The following ABCA4 variants were observed in gnomAD, a reference collection of about 807,000 sequenced individuals.
ABCA4 encodes the protein ATP binding cassette subfamily A member 4.
Under a neutral mutation model 263.7 loss-of-function variants are expected in ABCA4, and 196 were observed. The observed-to-expected ratio is 0.74, with a 90% CI of 0.66 to 0.84. The LOEUF (loss-of-function observed/expected upper bound fraction) is 0.84. Ranked by LOEUF, ABCA4 falls within the 40% of genes least tolerant of loss-of-function variation. The pLI is 0.00. For synonymous variants in ABCA4, 1,133 were observed against 1,094.2 expected, an observed-to-expected ratio of 1.04 and a Z score of -0.70; for missense variants, 2,792 against 2,855.1, an observed-to-expected ratio of 0.98 and a Z score of 0.50.
intron 11 of ABCA4, among the ~76,000 whole-genome samples, chr1:94,077,480 T>C (rs1661566328): frequency 6.6e-6 from 1 of 152,142 alleles, no homozygotes; most frequent in African/African-American, 2.4e-5. Flanking sequence ...GTAGGAGATG[T>C]GAAGAGGAAA....
Position 94,031,772 on chromosome 1 carries a change from T to C in ABCA4, c.4128+6A>G. The C allele has an allele frequency of 1.9e-6, 3 of 1,613,280 alleles. No homozygotes were observed. Among genetic ancestry groups the C allele is most frequent in the Middle Eastern group, 1.8e-4 (1 of 5,420 alleles). On this transcript the variant is annotated splice_donor_region_variant and intron_variant, in intron 27 of 49. Coordinates refer to ENST00000370225, the MANE Select transcript of ABCA4 (RefSeq NM_000350.3). ...AGCTCAGCTAAACACCGACCGACAA[T>C]AGTACCTGCGCCAGGAAGTCCTTGT...
chr1:94,018,559 A>G, intron 36 of ABCA4: 1 of 455,938 alleles, frequency 2.2e-6, no homozygotes, highest in Non-Finnish European at 4.4e-6. Context: ...TATCTTCAGG[A>G]ATTCCAATAT....
chr1:94,024,819 C>T, intron 31 of ABCA4, 135 bp downstream of exon 31: 2 of 720,310 alleles, frequency 2.8e-6, no homozygotes, highest in South Asian at 1.7e-5. Flanking sequence ...TGAATGGGGC[C>T]CTCAAATCAG....
At chr1:94,053,037 TA>T (rs922730266) in intron 16 of ABCA4, among the ~76,000 whole-genome samples, 36 of 152,320 alleles carry the variant, frequency 2.4e-4, no homozygotes, top group Admixed American at 2.1e-3. Flanking sequence ...GATAGGGTTA[TA>T]AAAACTCTCG....
chr1:94,101,014 G>A (rs1338406296), intron 5 of ABCA4, among the ~76,000 whole-genome samples: 3 of 152,222 alleles, frequency 2.0e-5, no homozygotes, highest in Non-Finnish European at 4.4e-5. Flanking sequence ...TCTGCGAAGC[G>A]CAGATGGCTC....
In ABCA4 at chr1:94,041,232, G is replaced by C. The variant is rs756518126; in HGVS notation, c.3499C>G (p.Gln1167Glu). ...LTLVRKMKNIQSQRKGSEGTC... is the reference protein window; with the variant it reads ...LTLVRKMKNIESQRKGSEGTC... ...ACCTCACTGCCTTTCCTTTGGCTCT[G>C]GATGTTTTTCATCTTGCGCACCAAG... is the stretch of plus-strand genomic sequence containing the variant. Residue 1167 changes from glutamine (Q) to glutamate (E), a missense_variant, in exon 23 of 50, where the codon CAG (glutamine) becomes GAG (glutamate). Transcript: ENST00000370225. The C allele has an allele frequency of 6.2e-7, 1 of 1,614,156 alleles. No homozygotes were observed. The highest frequency in any genetic ancestry group is 1.1e-5 in the South Asian group (1 of 91,082).
chr1:94,110,477 C>A (rs1662573726), intron 3 of ABCA4, among the ~76,000 whole-genome samples: 1 of 152,208 alleles, frequency 6.6e-6, no homozygotes, highest in Non-Finnish European at 1.5e-5. Flanking sequence ...TCAGTTTTCA[C>A]CTAGCCTGGT....
At chr1:94,096,031 C>T (rs74104516) in intron 6 of ABCA4, among the ~76,000 whole-genome samples, 153 of 152,292 alleles carry the variant, frequency 1.0e-3, no homozygotes, top group African/African-American at 3.3e-3. Flanking sequence ...AAAGCATCTC[C>T]ACACCACGGT....
At chr1:94,096,610 G>A (rs1033151192) in intron 6 of ABCA4, among the ~76,000 whole-genome samples, 8 of 152,180 alleles carry the variant, frequency 5.3e-5, no homozygotes, top group Admixed American at 2.0e-4. Flanking sequence ...ATGTGAAGAC[G>A]TAAGGAAAGA....
intron 5 of ABCA4, among the ~76,000 whole-genome samples, chr1:94,100,718 A>G (rs997085149): frequency 3.3e-5 from 5 of 152,194 alleles, no homozygotes; most frequent in South Asian, 4.1e-4. Context: ...AGCTGTGCTA[A>G]GACCCCAGGC....
chr1:94,104,955 A>G (rs1322553249), intron 4 of ABCA4, among the ~76,000 whole-genome samples: 2 of 151,988 alleles, frequency 1.3e-5, no homozygotes, highest in African/African-American at 2.4e-5. Context: ...CAACACACGC[A>G]CACACACACG....
chr1:94,060,379 C>A (rs1661086053), intron 14 of ABCA4, among the ~76,000 whole-genome samples, 158 bp downstream of exon 14: 1 of 152,280 alleles, frequency 6.6e-6, no homozygotes, highest in African/African-American at 2.4e-5. Flanking sequence ...GATTTCGTCT[C>A]TTTGAGTGTC....
intron 5 of ABCA4, among the ~76,000 whole-genome samples, chr1:94,101,226 C>G (rs1662279785): frequency 6.6e-6 from 1 of 152,226 alleles, no homozygotes. Flanking sequence ...ATCTTCATCT[C>G]CCTTTTATTA....
At position 94,060,731 on chromosome 1, in the gene ABCA4, G is replaced by A. The variant is rs779455131; in HGVS notation, c.1966C>T (p.Pro656Ser). The A allele has an allele frequency of 6.2e-7, 1 of 1,613,514 alleles. No individual in the cohort carries two copies. The highest frequency in any genetic ancestry group is 1.1e-5 in the South Asian group (1 of 90,912). Reference sequence around the variant, plus strand: ...ATCCATGCCAGCACCATGAAGATAGGGAAACAGCGGTTCAGGATGATCATG... The same window carrying A: ...ATCCATGCCAGCACCATGAAGATAGAGAAACAGCGGTTCAGGATGATCATG... ...SFMIILNRCFPIFMVLAWIYS... is the reference protein window; with the variant it reads ...SFMIILNRCFSIFMVLAWIYS... The change falls in exon 14 of 50, where the codon CCT becomes TCT. Residue 656 changes from proline (P) to serine (S), a missense_variant. Pro to Ser is a moderately conservative substitution (Grantham distance 74, BLOSUM62 -1). Coordinates refer to ENST00000370225, the MANE Select transcript of ABCA4 (RefSeq NM_000350.3).
At chr1:94,087,728 C>T (rs1046160653) in intron 6 of ABCA4, among the ~76,000 whole-genome samples, 3 of 152,190 alleles carry the variant, frequency 2.0e-5, no homozygotes, top group South Asian at 4.1e-4. Flanking sequence ...ATGAAACCCA[C>T]GGTTTCTCTG....
At chr1:94,031,179 C>G in intron 27 of ABCA4, 59 bp from the exon 28 acceptor site, 1 of 1,601,476 alleles carries the variant, frequency 6.2e-7, no homozygotes, top group African/African-American at 1.3e-5. Flanking sequence ...CACACGTGCG[C>G]GTGCACACAC....
At chr1:94,010,711 T>C in intron 40 of ABCA4, 89 bp downstream of exon 40, 1 of 1,583,278 alleles carries the variant, frequency 6.3e-7, no homozygotes, top group Non-Finnish European at 8.7e-7. Flanking sequence ...GGAGTGGGGC[T>C]CCTGAGGAAA....
At chr1:94,013,935 G>C (rs1211454638) in intron 38 of ABCA4, among the ~76,000 whole-genome samples, 1 of 152,230 alleles carries the variant, frequency 6.6e-6, no homozygotes, top group East Asian at 1.9e-4. Flanking sequence ...AACTGCATGA[G>C]TGGGAAACAG....
chr1:94,013,660 C>T (rs980789535), intron 38 of ABCA4, among the ~76,000 whole-genome samples: 2 of 152,070 alleles, frequency 1.3e-5, no homozygotes, highest in Non-Finnish European at 2.9e-5. Context: ...TTTTCCCCCT[C>T]TTTTTATGAT....
Sources: allele counts gnomAD v4.1 joint callset (sites outside exome capture counted in the v4.1 genomes callset), GRCh38; gene constraint gnomAD v4.1.1; transcripts MANE v1.5; gene names NCBI Gene and HGNC (gene_info 2026-07-23, HGNC 2026-07-21).